The following KLHL8 variants were observed in gnomAD, a reference collection of about 807,000 sequenced individuals.
KLHL8 encodes the protein kelch-like protein 8.
A neutral mutation model predicts 63.5 loss-of-function variants in KLHL8; 38 were observed. The observed-to-expected ratio is 0.60, with a 90% CI of 0.46 to 0.78. The LOEUF (loss-of-function observed/expected upper bound fraction) is 0.78. Among genes scored for constraint, KLHL8 ranks in the 30% least tolerant of loss-of-function variants. The pLI is 0.00. For synonymous variants in KLHL8, 224 were observed against 254.3 expected (o/e 0.88, Z 1.13); for missense variants, 566 against 752.4 (o/e 0.75, Z 2.90).
chr4:87,175,173 C>A (rs1408177599), intron 6 of KLHL8, among the ~76,000 whole-genome samples: 1 of 152,158 alleles, frequency 6.6e-6, no homozygotes, highest in Non-Finnish European at 1.5e-5. Context: ...AAAACATCCA[C>A]CCAAAATAAA....
chr4:87,168,267 GTC>G (rs1730482348), intron 8 of KLHL8, among the ~76,000 whole-genome samples: 1 of 152,030 alleles, frequency 6.6e-6, no homozygotes, highest in Non-Finnish European at 1.5e-5. Context: ...GGGCCTTCAG[GTC>G]CTTCCTTGAG....
In KLHL8 at chr4:87,163,621, C is replaced by A; in HGVS notation, c.1761G>T (p.Val587=). 1.2e-6 allele frequency: 2 copies of A among 1,613,962 alleles called. No homozygotes were observed. Among genetic ancestry groups the A allele is most frequent in the Non-Finnish European group, 1.7e-6 (2 of 1,179,974 alleles). ...CTCCTGCTCCAGCTCTGCAGTGAGA[C>A]ACAGATCCAACAAGCTCCCACCTGA... ...VLNRWELVGS[V]SHCRAGAGVA... Residue 587 remains valine, a synonymous_variant, in exon 10 of 10, where the codon GTG becomes GTT. Transcript: ENST00000273963.
At chr4:87,212,955 T>A (rs1732463258) in intron 1 of KLHL8, among the ~76,000 whole-genome samples, 1 of 152,210 alleles carries the variant, frequency 6.6e-6, no homozygotes, top group African/African-American at 2.4e-5. Flanking sequence ...TAAGAGTGTA[T>A]CCCCATCCTT....
intron 4 of KLHL8, among the ~76,000 whole-genome samples, chr4:87,180,660 T>A (rs1560696821): frequency 6.6e-6 from 1 of 152,204 alleles, no homozygotes; most frequent in African/African-American, 2.4e-5. Flanking sequence ...TTAATAAAGG[T>A]TTGCTGAATG....
chr4:87,211,947 A>C (rs1732422740), intron 1 of KLHL8, among the ~76,000 whole-genome samples: 2 of 152,236 alleles, frequency 1.3e-5, no homozygotes. Flanking sequence ...ACAATAACTG[A>C]GTAAAGACCA....
At chr4:87,184,010 AG>A (rs1208058702) in intron 3 of KLHL8, among the ~76,000 whole-genome samples, 5 of 152,210 alleles carry the variant, frequency 3.3e-5, no homozygotes, top group African/African-American at 9.6e-5. Flanking sequence ...TGATGAAACC[AG>A]GTAATGCTAT....
chr4:87,236,944 G>A (rs1470133676), intron 1 of KLHL8, among the ~76,000 whole-genome samples: 2 of 152,224 alleles, frequency 1.3e-5, no homozygotes, highest in Non-Finnish European at 2.9e-5. Flanking sequence ...GATTACAGGC[G>A]CGAGCCACGG....
intron 1 of KLHL8, among the ~76,000 whole-genome samples, chr4:87,227,155 C>G (rs1399110718): frequency 6.6e-6 from 1 of 150,586 alleles, no homozygotes; most frequent in African/African-American, 2.4e-5. Flanking sequence ...TTTTTGCCTT[C>G]TTCTTTAGAA....
At chr4:87,202,459 C>T (rs996102171) in intron 1 of KLHL8, among the ~76,000 whole-genome samples, 5 of 151,888 alleles carry the variant, frequency 3.3e-5, no homozygotes, top group African/African-American at 7.3e-5. Flanking sequence ...GCAAAAAAGG[C>T]GGGGAGGGAA....
rs74337450 is a variant in KLHL8 at position 87,167,655 on chromosome 4, T to G, written c.1537+2424A>C. On this transcript the variant is annotated intron_variant, in intron 8 of 9. Coordinates refer to ENST00000273963, the MANE Select transcript of KLHL8 (RefSeq NM_020803.5). Reference sequence around the variant, plus strand: ...TTCCTTCCCGTGTACAGAGGGTTCTTTGGATGTAGACAATTTTCTAAGACC... The same window carrying G: ...TTCCTTCCCGTGTACAGAGGGTTCTGTGGATGTAGACAATTTTCTAAGACC... 378 of 412,998 alleles carry G rather than the reference T, an allele frequency of 9.2e-4. 3 individuals carry two copies. The highest frequency in any genetic ancestry group is 6.9e-3 in the African/African-American group (336 of 48,900). The allele number at this position is 412,998 out of a possible 1,614,324, so 25.6% of individuals were successfully genotyped here. A position where few individuals can be genotyped will look rare whatever the true frequency, so the allele number is the denominator to read the frequency against.
At position 87,170,437 on chromosome 4, in the gene KLHL8, T is replaced by A. The variant is rs57080086; in HGVS notation, c.1377+10A>T. 7 of 1,587,624 alleles carry A rather than the reference T, an allele frequency of 4.4e-6. No homozygotes were observed. In the East Asian group the frequency reaches 1.1e-4, roughly 25 times the overall value. ...AATGTAATTTAATGACAAGTTGCCA[T>A]ATAACTTACTACTAGAGCAACAGAG... On this transcript the variant is annotated intron_variant, in intron 7 of 9. Transcript: ENST00000273963.
upstream of KLHL8, among the ~76,000 whole-genome samples, chr4:87,223,075 C>A (rs982222376): frequency 6.6e-6 from 1 of 151,906 alleles, no homozygotes; most frequent in Non-Finnish European, 1.5e-5. Flanking sequence ...TCCCACCTCC[C>A]GAGTAGCTGG....
At position 87,163,214 on chromosome 4, in the gene KLHL8, G is replaced by C. The variant is rs1483950280; in HGVS notation, c.*305C>G. Reference sequence around the variant, plus strand: ...ACATTTTGATTCATCCAAATAGAGAGAGAGAGAGAGATTTCAAGATTTTTG... The same window carrying C: ...ACATTTTGATTCATCCAAATAGAGACAGAGAGAGAGATTTCAAGATTTTTG... On this transcript the variant is annotated 3_prime_UTR_variant, in exon 10 of 10. Coordinates refer to ENST00000273963, the MANE Select transcript of KLHL8 (RefSeq NM_020803.5). 1.4e-5 allele frequency: 3 copies of C among 218,966 alleles called. No individual in the cohort carries two copies. The highest frequency in any genetic ancestry group is 2.7e-5 in the Non-Finnish European group (3 of 110,204). The allele number at this position is 218,966 out of a possible 1,614,324, so 13.6% of individuals were successfully genotyped here.
intron 6 of KLHL8, among the ~76,000 whole-genome samples, chr4:87,174,696 G>T (rs1327022875): frequency 6.6e-6 from 1 of 151,978 alleles, no homozygotes; most frequent in Non-Finnish European, 1.5e-5. Flanking sequence ...AATTATTCTA[G>T]TATCTAGTTT....
intron 1 of KLHL8, among the ~76,000 whole-genome samples, chr4:87,200,161 GA>G (rs1204286144): frequency 7.4e-4 from 77 of 103,388 alleles, no homozygotes; most frequent in Admixed American, 1.2e-3. Flanking sequence ...AAAAAAAAAA[GA>G]AAAAAAAAAA....
intron 5 of KLHL8, among the ~76,000 whole-genome samples, chr4:87,177,639 C>G (rs1730881673): frequency 6.6e-6 from 1 of 152,014 alleles, no homozygotes; most frequent in Admixed American, 6.6e-5. Context: ...CAGGGTCTTG[C>G]TCTGTCACCC....
intron 8 of KLHL8, among the ~76,000 whole-genome samples, chr4:87,166,131 T>C (rs1730390473): frequency 6.6e-6 from 1 of 152,254 alleles, no homozygotes; most frequent in Non-Finnish European, 1.5e-5. Context: ...TTGCCACTTA[T>C]TTATGCATGT....
At chr4:87,207,935 CCAACTT>C in intron 1 of KLHL8, 1 of 1,011,994 alleles carries the variant, frequency 9.9e-7, no homozygotes. Flanking sequence ...GCTGTCTCCT[CCAACTT>C]CAACAGCAAC....
chr4:87,237,854 G>A (rs1026253212), intron 1 of KLHL8, among the ~76,000 whole-genome samples: 1 of 152,000 alleles, frequency 6.6e-6, no homozygotes, highest in Non-Finnish European at 1.5e-5. Context: ...ATTTGACACT[G>A]ATAATAATAA....
Sources: allele counts gnomAD v4.1 joint callset (sites outside exome capture counted in the v4.1 genomes callset), GRCh38; gene constraint gnomAD v4.1.1; transcripts MANE v1.5; gene names NCBI Gene and HGNC (gene_info 2026-07-23, HGNC 2026-07-21).